The following SLC6A2 variants were observed in gnomAD, a reference collection of about 807,000 sequenced individuals.
SLC6A2 encodes the protein solute carrier family 6 member 2.
SLC6A2 carries 26 observed loss-of-function variants against 71.7 expected under a neutral mutation model. The observed-to-expected ratio is 0.36, with a 90% CI of 0.27 to 0.50. The LOEUF is 0.50. SLC6A2 is among the 20% of genes least tolerant of loss of function. The pLI, the probability that SLC6A2 is intolerant of heterozygous loss-of-function variation, is 0.96. For synonymous variants in SLC6A2, 363 were observed against 337.9 expected (o/e 1.07, Z -0.82); for missense variants, 581 against 803.9 (o/e 0.72, Z 3.35).
At chr16:55,667,297 A>G (rs540918413) in intron 2 of SLC6A2, among the ~76,000 whole-genome samples, 4 of 152,348 alleles carry the variant, frequency 2.6e-5, no homozygotes, top group Admixed American at 2.6e-4. Flanking sequence ...GGGCTGCGCC[A>G]GATCCAGGTT....
intron 5 of SLC6A2, among the ~76,000 whole-genome samples, chr16:55,687,559 T>TG (rs765792737): frequency 0.22 from 33,735 of 152,044 alleles, 4,227 homozygotes; most frequent in African/African-American, 0.33. Context: ...CAGCCTTGTC[T>TG]AGCACTCTCT....
chr16:55,688,155 A>G (rs1447536217), intron 5 of SLC6A2, among the ~76,000 whole-genome samples: 1 of 152,248 alleles, frequency 6.6e-6, no homozygotes, highest in East Asian at 1.9e-4. Flanking sequence ...AAACTGGCTT[A>G]TGAGAAACCA....
At position 55,702,942 on chromosome 16, in the gene SLC6A2, A is replaced by G. The variant is rs1264104817; in HGVS notation, c.*596A>G. The G allele has an allele frequency of 1.0e-6, 1 of 988,102 alleles. No individual in the cohort carries two copies. Among genetic ancestry groups the G allele is most frequent in the Non-Finnish European group, 1.2e-6 (1 of 831,744 alleles). The allele number at this position is 988,102 out of a possible 1,614,324, so 61.2% of individuals were successfully genotyped here. A position where few individuals can be genotyped will look rare whatever the true frequency, so the allele number is the denominator to read the frequency against. On this transcript the variant is annotated 3_prime_UTR_variant, in exon 15 of 15. Transcript: ENST00000568943. ...TGGATAGATGCTTTGAGGGATTTTG[A>G]GTAGAAACATTCATAGTTAATTTTC...
Position 55,705,433 on chromosome 16 carries a change from T to C in SLC6A2, c.*3087T>C, listed in dbSNP as rs1966080928. The C allele has an allele frequency of 1.9e-5, 11 of 584,642 alleles. No homozygotes were observed. The highest frequency in any genetic ancestry group is 3.0e-5 in the Non-Finnish European group (10 of 334,744). 36.2% of individuals were successfully genotyped at this position (584,642 alleles called of 1,614,324 possible). A position where few individuals can be genotyped will look rare whatever the true frequency, so the allele number is the denominator to read the frequency against. On this transcript the variant is annotated 3_prime_UTR_variant, in exon 15 of 15. Transcript: ENST00000568943. ...GTAAAGAAGCCCATTGAACTCACTT[T>C]ATTTGTTTATTTCCTTCGAAAGCCA...
chr16:55,693,324 C>T (rs1965694956), intron 6 of SLC6A2, among the ~76,000 whole-genome samples: 1 of 151,760 alleles, frequency 6.6e-6, no homozygotes, highest in Admixed American at 6.6e-5. Context: ...GAGCCAAGAT[C>T]ATGCCACTGC....
chr16:55,667,782 C>T (rs1183719765), intron 2 of SLC6A2, among the ~76,000 whole-genome samples: 1 of 144,622 alleles, frequency 6.9e-6, no homozygotes, highest in Non-Finnish European at 1.5e-5. Flanking sequence ...ACCCTCTGAT[C>T]CTATTCAGAC....
At chr16:55,683,065 T>G (rs1162015203) in intron 4 of SLC6A2, among the ~76,000 whole-genome samples, 1 of 152,178 alleles carries the variant, frequency 6.6e-6, no homozygotes, top group Non-Finnish European at 1.5e-5. Flanking sequence ...CCACACCAAG[T>G]TGTTCCCATT....
At chr16:55,671,762 T>C in intron 3 of SLC6A2, 176 bp from the exon 4 acceptor site, 1 of 1,386,478 alleles carries the variant, frequency 7.2e-7, no homozygotes, top group Non-Finnish European at 9.5e-7. Context: ...CCAAAATCTG[T>C]GGAAAAATTG....
At chr16:55,671,616 A>G (rs543048303) in intron 3 of SLC6A2, 83 of 524,076 alleles carry the variant, frequency 1.6e-4, no homozygotes, top group African/African-American at 1.5e-3. Context: ...CAGCCGCTGC[A>G]CTAGATTCTC....
chr16:55,688,571 G>A (rs1314975589), intron 5 of SLC6A2, among the ~76,000 whole-genome samples: 1 of 152,158 alleles, frequency 6.6e-6, no homozygotes, highest in Non-Finnish European at 1.5e-5. Context: ...CCTGGGCAGT[G>A]TTTTTCAAAC....
chr16:55,680,671 G>A (rs1965241511), intron 4 of SLC6A2, among the ~76,000 whole-genome samples: 1 of 152,138 alleles, frequency 6.6e-6, no homozygotes, highest in Non-Finnish European at 1.5e-5. Context: ...GACACACCCA[G>A]GAACAGTACT....
At chr16:55,692,182 T>TG in intron 6 of SLC6A2, 130 bp downstream of exon 6, 1 of 1,078,388 alleles carries the variant, frequency 9.3e-7, no homozygotes, top group Non-Finnish European at 1.4e-6. Flanking sequence ...GATCCTTCCC[T>TG]GTCTGAGGTG....
At chr16:55,666,111 T>C (rs2142499795) in intron 2 of SLC6A2, among the ~76,000 whole-genome samples, 1 of 152,330 alleles carries the variant, frequency 6.6e-6, no homozygotes, top group East Asian at 1.9e-4. Context: ...GCCTGTGTTT[T>C]TCCAGGTCTG....
At chr16:55,690,963 G>C (rs1965599904) in intron 5 of SLC6A2, among the ~76,000 whole-genome samples, 1 of 151,984 alleles carries the variant, frequency 6.6e-6, no homozygotes, top group South Asian at 2.1e-4. Flanking sequence ...CTCTTCCTTT[G>C]TGTGTTTCTG....
In SLC6A2 at chr16:55,700,141, C is replaced by G; in HGVS notation, c.1593C>G (p.Phe531Leu). 6.2e-7 allele frequency: 1 copy of G among 1,613,664 alleles called. No homozygotes were observed. Among genetic ancestry groups the G allele is most frequent in the Non-Finnish European group, 8.5e-7 (1 of 1,179,686 alleles). The change falls in exon 13 of 15, where the codon TTC becomes TTG. Residue 531 changes from phenylalanine (F) to leucine (L), a missense_variant and splice_region_variant. Transcript: ENST00000568943. The stretch of plus-strand genomic sequence containing the variant: ...CTCCCTTCTCTGCCCATCTCTAGTT[C>G]GTGGTTGTGGTCAGCATCATCAACT... ...WKFVSPAFLLFVVVVSIINFK... is the reference protein window; with the variant it reads ...WKFVSPAFLLLVVVVSIINFK...
intron 3 of SLC6A2, among the ~76,000 whole-genome samples, chr16:55,670,005 T>G (rs1370299651): frequency 1.3e-5 from 2 of 152,230 alleles, no homozygotes; most frequent in Non-Finnish European, 2.9e-5. Context: ...CATACACCAC[T>G]ACTCTCTCCT....
At chr16:55,677,020 C>T (rs13336806) in intron 4 of SLC6A2, among the ~76,000 whole-genome samples, 6,178 of 152,252 alleles carry the variant, frequency 0.041, 429 homozygotes, top group African/African-American at 0.14. Flanking sequence ...CCATCAGTAG[C>T]TCCCCCTGCA....
At chr16:55,693,398 T>A (rs1192082775) in intron 6 of SLC6A2, among the ~76,000 whole-genome samples, 2 of 151,026 alleles carry the variant, frequency 1.3e-5, no homozygotes, top group African/African-American at 4.9e-5. Context: ...TGCAGCTTAG[T>A]CTGAGTGTGT....
chr16:55,662,372 G>A (rs1964632957), intron 2 of SLC6A2, among the ~76,000 whole-genome samples: 1 of 152,282 alleles, frequency 6.6e-6, no homozygotes, highest in South Asian at 2.1e-4. Flanking sequence ...TTTACTAAAT[G>A]CCTATCATAT....
Sources: gnomAD v4.1 joint callset for allele counts (sites outside exome capture counted in the v4.1 genomes callset) on GRCh38, gnomAD v4.1.1 for gene constraint, MANE v1.5 for transcripts, NCBI Gene and HGNC (gene_info 2026-07-23, HGNC 2026-07-21) for gene names.